PLXDC2: variants seen among roughly 807,000 people sequenced by gnomAD.
PLXDC2 encodes plexin domain containing 2.
A neutral mutation model predicts 68.9 loss-of-function variants in PLXDC2; 40 were observed. The ratio of observed to expected loss-of-function variants is 0.58; its 90% confidence interval spans 0.45 to 0.76. The LOEUF is 0.76. Ranked by LOEUF, PLXDC2 falls within the 30% of genes least tolerant of loss-of-function variation. The probability of loss-of-function intolerance (pLI) is 0.00; values close to 1 mark genes in which losing one functional copy is unlikely to be tolerated. For synonymous variants in PLXDC2, 243 were observed against 234.2 expected (o/e 1.04, Z -0.34); for missense variants, 644 against 661.9 (o/e 0.97, Z 0.30).
At chr10:20,243,387 A>G (rs1400942083) in intron 12 of PLXDC2, among the ~76,000 whole-genome samples, 2 of 152,230 alleles carry the variant, frequency 1.3e-5, no homozygotes, top group African/African-American at 4.8e-5. Context: ...CTATTATATA[A>G]TGAATTACTC....
intron 1 of PLXDC2, among the ~76,000 whole-genome samples, chr10:19,844,754 C>T (rs1211692239): frequency 6.6e-6 from 1 of 152,046 alleles, no homozygotes; most frequent in Non-Finnish European, 1.5e-5. Flanking sequence ...CATCACTACA[C>T]CTGGCTAATA....
chr10:19,993,458 G>A (rs10827921), intron 1 of PLXDC2, among the ~76,000 whole-genome samples: 89,822 of 151,982 alleles, frequency 0.59, 27,926 homozygotes, highest in Non-Finnish European at 0.68. Context: ...CTCACTCTGT[G>A]TCCATGGCTG....
intron 4 of PLXDC2, among the ~76,000 whole-genome samples, chr10:20,118,530 C>T (rs10458695): frequency 0.21 from 32,599 of 152,142 alleles, 4,782 homozygotes; most frequent in African/African-American, 0.4. Flanking sequence ...GTCAGGAGTA[C>T]TGATAGGAGC....
intron 4 of PLXDC2, among the ~76,000 whole-genome samples, chr10:20,123,399 G>A (rs980532991): frequency 6.6e-6 from 1 of 152,228 alleles, no homozygotes; most frequent in Non-Finnish European, 1.5e-5. Context: ...TGGACGTCAG[G>A]CATCTCAGAT....
intron 2 of PLXDC2, among the ~76,000 whole-genome samples, chr10:20,038,087 T>A (rs1157038476): frequency 6.6e-6 from 1 of 151,728 alleles, no homozygotes; most frequent in African/African-American, 2.4e-5. Flanking sequence ...TACAAAAAAA[T>A]TAGCCGGAAG....
At chr10:20,053,470 A>G (rs912015776) in intron 3 of PLXDC2, among the ~76,000 whole-genome samples, 1 of 152,114 alleles carries the variant, frequency 6.6e-6, no homozygotes, top group Non-Finnish European at 1.5e-5. Context: ...CTTCATTCAG[A>G]GCCACACAGT....
rs1411777731 is a variant in PLXDC2, at chr10:20,288,866, G to A, written c.*9047G>A. 7 of 151,998 alleles carry A rather than the reference G, an allele frequency of 4.6e-5. No individual in the cohort carries two copies. The allele number at this position is 151,998 out of a possible 1,614,324, so 9.4% of individuals were successfully genotyped here. ...ATCTTTAAAGGTGTGGAAGCTGGTG[G>A]GGACCAAATGTTACCTGTGTTTTTG... On this transcript the variant is annotated 3_prime_UTR_variant, in exon 14 of 14. Transcript: ENST00000377252.
intron 1 of PLXDC2, among the ~76,000 whole-genome samples, chr10:19,995,702 C>A (rs1834832856): frequency 6.6e-6 from 1 of 152,176 alleles, no homozygotes; most frequent in African/African-American, 2.4e-5. Flanking sequence ...GTTAACTCTC[C>A]TCTGCACAGT....
intron 9 of PLXDC2, among the ~76,000 whole-genome samples, chr10:20,189,361 A>G (rs1420557105): frequency 1.3e-5 from 2 of 150,298 alleles, no homozygotes; most frequent in African/African-American, 2.4e-5. Context: ...AATACGTATT[A>G]CCATTTCATC....
At position 20,018,501 on chromosome 10, in the gene PLXDC2, A is replaced by C. The variant is rs78536872; in HGVS notation, c.324+16515A>C. Among the ~76,000 whole-genome samples the C allele has an allele frequency of 9.4e-3, 1,439 of 152,288 alleles. 27 individuals are homozygous for C. The highest frequency in any genetic ancestry group is 0.033 in the African/African-American group (1,364 of 41,556). ...CATCTCCACTAGTGATTTTGAAGAG[A>C]GTTTCCAAGATCATGTTCATATTTC... On this transcript the variant is annotated intron_variant, in intron 2 of 13. Transcript: ENST00000377252.
Position 20,211,709 on chromosome 10 carries a change from G to C in PLXDC2, c.1102G>C (p.Asp368His). ...GFDRHRQDWV[D>H]SGCPEESKEK... ...TGATCGTCATCGGCAGGACTGGGTG[G>C]ACAGTGGATGCCCTGAAGAGGTACA... Residue 368 changes from aspartate to histidine, a missense_variant, in exon 10 of 14, where the codon GAC (aspartate) becomes CAC (histidine). Transcript: ENST00000377252. 2 of 1,613,026 alleles carry C rather than the reference G, an allele frequency of 1.2e-6. No individual in the cohort carries two copies. Among genetic ancestry groups the C allele is most frequent in the East Asian group, 4.5e-5 (2 of 44,806 alleles).
chr10:20,174,532 G>C (rs1336644776), intron 7 of PLXDC2, among the ~76,000 whole-genome samples: 1 of 151,998 alleles, frequency 6.6e-6, no homozygotes, highest in African/African-American at 2.4e-5. Context: ...AGCCCCAAAA[G>C]GGTTTGCTTC....
chr10:20,003,285 G>A (rs1225680718), intron 2 of PLXDC2, among the ~76,000 whole-genome samples: 3 of 152,124 alleles, frequency 2.0e-5, no homozygotes, highest in Admixed American at 6.5e-5. Context: ...GCACGGCTTC[G>A]GCTGCCATCA....
At chr10:19,853,766 T>C (rs1220717100) in intron 1 of PLXDC2, among the ~76,000 whole-genome samples, 1 of 152,214 alleles carries the variant, frequency 6.6e-6, no homozygotes, top group African/African-American at 2.4e-5. Context: ...AGCTGGGTGC[T>C]TGGTTCCACA....
At chr10:19,906,163 T>C (rs1442778949) in intron 1 of PLXDC2, among the ~76,000 whole-genome samples, 4 of 152,090 alleles carry the variant, frequency 2.6e-5, no homozygotes, top group African/African-American at 9.7e-5. Flanking sequence ...TGTGTATATG[T>C]GTTCACGTGT....
intron 3 of PLXDC2, among the ~76,000 whole-genome samples, chr10:20,055,305 A>G (rs963422241): frequency 3.3e-5 from 5 of 152,184 alleles, no homozygotes; most frequent in Non-Finnish European, 7.3e-5. Context: ...TGCTTCAGCT[A>G]GCATTACCAT....
chr10:20,203,996 C>T (rs1834957040), intron 9 of PLXDC2, among the ~76,000 whole-genome samples: 1 of 149,136 alleles, frequency 6.7e-6, no homozygotes, highest in Non-Finnish European at 1.5e-5. Context: ...ATAAGTGATC[C>T]TACAATATGT....
chr10:19,869,444 A>G lies in PLXDC2; in HGVS notation c.112+52253A>G, dbSNP rs570882981. Among the ~76,000 whole-genome samples, 25 of 109,514 alleles carry G rather than the reference A, an allele frequency of 2.3e-4. 1 individual carries two copies. The South Asian group carries it at 9.4e-3, about 41-fold the overall frequency. 71.8% of individuals were successfully genotyped at this position (109,514 alleles called of 152,430 possible). On this transcript the variant is annotated intron_variant, in intron 1 of 13. Coordinates refer to ENST00000377252, the MANE Select transcript of PLXDC2 (RefSeq NM_032812.9). ...ACCAGAAAGAAAGAAAGAAAGAGAG[A>G]AAGAGAGAAAGAGAGAGAGAGAAAG...
chr10:20,012,147 G>T (rs921736974), intron 2 of PLXDC2, among the ~76,000 whole-genome samples: 2 of 151,866 alleles, frequency 1.3e-5, no homozygotes. Flanking sequence ...TTTTTTCTCT[G>T]ATTATCTAAA....
Sources: gnomAD v4.1 joint callset for allele counts (sites outside exome capture counted in the v4.1 genomes callset) on GRCh38, gnomAD v4.1.1 for gene constraint, MANE v1.5 for transcripts, NCBI Gene and HGNC (gene_info 2026-07-23, HGNC 2026-07-21) for gene names.